OMA1: variants seen among roughly 807,000 people sequenced by gnomAD.
The protein encoded by OMA1 is metalloendopeptidase OMA1, mitochondrial.
OMA1 carries 38 observed loss-of-function variants against 30.9 expected under a neutral mutation model. The observed-to-expected ratio is 1.23, with a 90% CI of 0.95 to 1.61. OMA1 has a LOEUF of 1.61. Among genes scored for constraint, OMA1 ranks in the 40% most tolerant of loss-of-function variants. The pLI is 0.00. For synonymous variants in OMA1, 173 were observed against 121.9 expected (o/e 1.42, Z -2.76); for missense variants, 461 against 349.2 (o/e 1.32, Z -2.55).
rs1557442534 is a variant in OMA1 at position 58,499,495 on chromosome 1, T to TAGATAGATAGAC, written c.1365+6564_1365+6565insGTCTATCTATCT. Among the ~76,000 whole-genome samples, 4 of 149,814 alleles carry TAGATAGATAGAC rather than the reference T, an allele frequency of 2.7e-5. No individual in the cohort carries two copies. The South Asian group carries it at 8.5e-4, about 32-fold the overall frequency. On this transcript the variant is annotated intron_variant, in intron 8 of 8. Transcript: ENST00000371226. ...GCCAGACTATAGATAGATAGATAGA[T>TAGATAGATAGAC]AGATAGATAGATAAATAGATAGATA...
chr1:58,539,004 A>G lies in OMA1; in HGVS notation c.291T>C (p.Cys97=). ...TTGAAAAAGCATCATTCCATACAGT[A>G]CATTTGCTGGTAATCCTCCAAATTT... ...SKEIWRITSK[C]TVWNDAFSRQ... Residue 97 remains cysteine, a synonymous_variant, in exon 2 of 9, where the codon TGT becomes TGC. Transcript: ENST00000371226. The G allele has an allele frequency of 1.1e-6, 1 of 872,858 alleles. No individual in the cohort carries two copies. Among genetic ancestry groups the G allele is most frequent in the East Asian group, 2.4e-5 (1 of 41,696 alleles). The allele number at this position is 872,858 out of a possible 1,614,324, so 54.1% of individuals were successfully genotyped here. A position where few individuals can be genotyped will look rare whatever the true frequency, so the allele number is the denominator to read the frequency against.
At chr1:58,485,145 A>G (rs1196191748) in intron 8 of OMA1, among the ~76,000 whole-genome samples, 1 of 149,288 alleles carries the variant, frequency 6.7e-6, no homozygotes, top group Non-Finnish European at 1.5e-5. Context: ...GTATGCGGGG[A>G]CAGATGTATA....
chr1:58,506,065 G>T lies in OMA1; in HGVS notation c.1360C>A (p.Pro454Thr), dbSNP rs1645984430. The change falls in exon 8 of 9, where the codon CCT becomes ACT. Residue 454 changes from proline to threonine, a missense_variant. Pro to Thr is a conservative substitution (Grantham distance 38). Coordinates refer to ENST00000371226, the MANE Select transcript of OMA1 (RefSeq NM_145243.5). ...NRVEYLDRLI[P>T]QALKIREMCN... ...CTTCTACGGTGTCAGCTCACCTGAG[G>T]TATAAGTCTATCCAAGTACTCAACT... 1.2e-6 allele frequency: 1 copy of T among 869,504 alleles called. No individual in the cohort carries two copies. The highest frequency in any genetic ancestry group is 1.6e-5 in the African/African-American group (1 of 61,290). The allele number at this position is 869,504 out of a possible 1,614,324, so 53.9% of individuals were successfully genotyped here.
At chr1:58,486,932 G>A (rs1398235811) in intron 8 of OMA1, among the ~76,000 whole-genome samples, 1 of 152,210 alleles carries the variant, frequency 6.6e-6, no homozygotes, top group East Asian at 1.9e-4. Flanking sequence ...GGAGAGCTAG[G>A]CAGTGGCCAA....
At chr1:58,489,106 G>A (rs572036064) in intron 8 of OMA1, among the ~76,000 whole-genome samples, 149 of 152,284 alleles carry the variant, frequency 9.8e-4, no homozygotes, top group Admixed American at 3.1e-3. Context: ...CAGGACAGTC[G>A]GTGCAGCGCA....
At chr1:58,536,788 A>AT (rs1557458561) in intron 2 of OMA1, 47 bp from the exon 3 acceptor site, 1 of 833,736 alleles carries the variant, frequency 1.2e-6, no homozygotes, top group Non-Finnish European at 2.1e-6. Flanking sequence ...ATTCCAGCAC[A>AT]TATCACTAAA....
chr1:58,492,006 T>A (rs1275553307), intron 8 of OMA1, among the ~76,000 whole-genome samples: 1 of 152,114 alleles, frequency 6.6e-6, no homozygotes, highest in African/African-American at 2.4e-5. Context: ...ATTGACCACA[T>A]AGTTGGAAGT....
At chr1:58,528,620 G>A (rs1646387077) in intron 6 of OMA1, among the ~76,000 whole-genome samples, 1 of 152,184 alleles carries the variant, frequency 6.6e-6, no homozygotes, top group African/African-American at 2.4e-5. Context: ...ATCCTACAGT[G>A]CACAGGACAA....
At chr1:58,540,877 C>A (rs1044200275) in intron 1 of OMA1, among the ~76,000 whole-genome samples, 1 of 150,210 alleles carries the variant, frequency 6.7e-6, no homozygotes, top group African/African-American at 2.4e-5. Context: ...ATTATAAAAC[C>A]ACAAATTCAA....
intron 8 of OMA1, among the ~76,000 whole-genome samples, chr1:58,505,001 A>T (rs1017526297): frequency 5.9e-5 from 9 of 151,928 alleles, no homozygotes; most frequent in Non-Finnish European, 1.2e-4. Context: ...GTCGCTGACT[A>T]GAGTGCAGTG....
chr1:58,510,304 T>C (rs1043565362), intron 7 of OMA1, among the ~76,000 whole-genome samples: 1 of 152,106 alleles, frequency 6.6e-6, no homozygotes, highest in African/African-American at 2.4e-5. Flanking sequence ...GATTTCTTCC[T>C]GGTAATCAAG....
At chr1:58,533,610 A>G (rs985786488) in intron 5 of OMA1, among the ~76,000 whole-genome samples, 1 of 152,206 alleles carries the variant, frequency 6.6e-6, no homozygotes, top group Non-Finnish European at 1.5e-5. Flanking sequence ...TCACTTCCCT[A>G]CAATTAATTT....
intron 7 of OMA1, among the ~76,000 whole-genome samples, chr1:58,520,865 A>G (rs1211483330): frequency 6.6e-6 from 1 of 152,308 alleles, no homozygotes; most frequent in East Asian, 1.9e-4. Context: ...ATAATGAAAT[A>G]TTACCAAACC....
At chr1:58,481,222 G>A (rs2100348228) in intron 8 of OMA1, 48 bp from the exon 9 acceptor site, 1 of 618,578 alleles carries the variant, frequency 1.6e-6, no homozygotes, top group African/African-American at 1.9e-5. Context: ...ATACATCAAT[G>A]TATTCAGATT....
At position 58,530,687 on chromosome 1, in the gene OMA1, T is replaced by G. The variant is rs376180084; in HGVS notation, c.1054A>C (p.Met352Leu). The G allele has an allele frequency of 3.0e-5, 26 of 872,660 alleles. No homozygotes were observed. Among genetic ancestry groups the G allele is most frequent in the Non-Finnish European group, 4.8e-5 (24 of 501,586 alleles). The allele number at this position is 872,660 out of a possible 1,614,324, so 54.1% of individuals were successfully genotyped here. The change falls in exon 6 of 9, where the codon ATG becomes CTG. Residue 352 changes from methionine (M) to leucine (L), a missense_variant. Met to Leu is a conservative substitution (Grantham distance 15). Coordinates refer to ENST00000371226, the MANE Select transcript of OMA1 (RefSeq NM_145243.5). Reference protein sequence around the residue: ...GMVHLLDFLGMIFLTMIWAIC... With the variant: ...GMVHLLDFLGLIFLTMIWAIC... ...GCCCAAATCATTGTGAGGAAAATCA[T>G]ACCTAGGAAATCCAACAAATGAACC...
At position 58,489,278 on chromosome 1, in the gene OMA1, G is replaced by A. The variant is rs549831197; in HGVS notation, c.1366-8104C>T. On this transcript the variant is annotated intron_variant, in intron 8 of 8. Transcript: ENST00000371226. ...AATTTTCCGACGGTCTTAGCAAACGGCACACCAGGAGATTATATCCCACGC... is the reference window on the plus strand; with the variant it reads ...AATTTTCCGACGGTCTTAGCAAACGACACACCAGGAGATTATATCCCACGC... Among the ~76,000 whole-genome samples the A allele has an allele frequency of 2.2e-4, 33 of 152,278 alleles. 1 individual carries two copies. The highest frequency in any genetic ancestry group is 5.9e-5 in the Non-Finnish European group (4 of 68,024).
chr1:58,485,756 C>T (rs893665333), intron 8 of OMA1, among the ~76,000 whole-genome samples: 1 of 152,056 alleles, frequency 6.6e-6, no homozygotes, highest in Non-Finnish European at 1.5e-5. Context: ...TATGTCTTTC[C>T]ACTTCCTTTA....
At chr1:58,540,612 T>C (rs1037572892) in intron 1 of OMA1, among the ~76,000 whole-genome samples, 1 of 141,680 alleles carries the variant, frequency 7.1e-6, no homozygotes. Flanking sequence ...ACATACTAGA[T>C]GAGACTAACA....
At chr1:58,504,894 T>G (rs72672213) in intron 8 of OMA1, among the ~76,000 whole-genome samples, 8,180 of 152,292 alleles carry the variant, frequency 0.054, 277 homozygotes, top group African/African-American at 0.082. Context: ...TCTAGCATCA[T>G]TTCTTTCTTT....
Sources: allele counts gnomAD v4.1 joint callset (sites outside exome capture counted in the v4.1 genomes callset), GRCh38; gene constraint gnomAD v4.1.1; transcripts MANE v1.5; gene names NCBI Gene and HGNC (gene_info 2026-07-23, HGNC 2026-07-21).